Variants in RALGAPA1 observed in about 807,000 individuals in gnomAD.
RALGAPA1 encodes the protein ral GTPase-activating protein subunit alpha-1.
Under a neutral mutation model 269.6 loss-of-function variants are expected in RALGAPA1, and 52 were observed. The observed-to-expected ratio is 0.19, with a 90% confidence interval of 0.15 to 0.24. The LOEUF (loss-of-function observed/expected upper bound fraction) is 0.24, where lower values mean the gene tolerates loss of function less well. RALGAPA1 is among the 10% of genes least tolerant of loss of function. The pLI, the probability that RALGAPA1 is intolerant of heterozygous loss-of-function variation, is 1.00. For synonymous variants in RALGAPA1, 817 were observed against 1,008.3 expected (o/e 0.81, Z 3.60); for missense variants, 1,917 against 3,013.9 (o/e 0.64, Z 8.52).
intron 4 of RALGAPA1, 95 bp from the exon 5 acceptor site, chr14:35,762,848 T>G: frequency 1.4e-6 from 1 of 734,204 alleles, no homozygotes; most frequent in South Asian, 1.5e-5. Context: ...AAATAAGTCC[T>G]TGGCAACCTC....
chr14:35,549,492 C>T (rs2054774382), intron 39 of RALGAPA1, among the ~76,000 whole-genome samples: 1 of 151,988 alleles, frequency 6.6e-6, no homozygotes, highest in Non-Finnish European at 1.5e-5. Flanking sequence ...TACAATAATA[C>T]TAAACTACTG....
intron 17 of RALGAPA1, among the ~76,000 whole-genome samples, chr14:35,690,859 C>T (rs1012115375): frequency 3.3e-5 from 5 of 151,942 alleles, no homozygotes; most frequent in Admixed American, 6.6e-5. Flanking sequence ...CACCTGAGGT[C>T]GGGAGTTCAA....
chr14:35,717,213 C>T lies in RALGAPA1; in HGVS notation c.2266+4475G>A, dbSNP rs1339710915. 5.3e-5 allele frequency among the ~76,000 whole-genome samples: 8 copies of T among 152,232 alleles called. No homozygotes were observed. In the South Asian group the frequency reaches 1.2e-3, roughly 24 times the overall value. On this transcript the variant is annotated intron_variant, in intron 16 of 41. Coordinates refer to ENST00000680220, the MANE Select transcript of RALGAPA1 (RefSeq NM_001346249.2). Reference sequence around the variant, plus strand: ...TTGCCCAAGCTGGAGTGCAATGGTGCGATCTCGGCCCACTGCAACCTCTGC... The same window carrying T: ...TTGCCCAAGCTGGAGTGCAATGGTGTGATCTCGGCCCACTGCAACCTCTGC...
intron 1 of RALGAPA1, among the ~76,000 whole-genome samples, chr14:35,800,736 A>G (rs1442575287): frequency 1.3e-5 from 2 of 152,154 alleles, no homozygotes; most frequent in Non-Finnish European, 2.9e-5. Flanking sequence ...CAGGCATGGT[A>G]GCTCACACCT....
intron 1 of RALGAPA1, among the ~76,000 whole-genome samples, chr14:35,797,436 G>A (rs1293795488): frequency 6.6e-6 from 1 of 151,660 alleles, no homozygotes; most frequent in African/African-American, 2.4e-5. Context: ...AGAGGAAGAG[G>A]AATAAAGAAA....
chr14:35,805,020 G>A (rs1401802906), intron 1 of RALGAPA1, among the ~76,000 whole-genome samples: 2 of 152,064 alleles, frequency 1.3e-5, no homozygotes, highest in Non-Finnish European at 2.9e-5. Flanking sequence ...AGGTGTGGTG[G>A]CTCACGCCTG....
intron 37 of RALGAPA1, among the ~76,000 whole-genome samples, chr14:35,591,595 A>G (rs2058638482): frequency 6.6e-6 from 1 of 152,290 alleles, no homozygotes; most frequent in East Asian, 1.9e-4. Context: ...TACAGGCATA[A>G]GCAAGCCACC....
At chr14:35,751,983 T>C (rs1183921220) in intron 8 of RALGAPA1, 41 bp downstream of exon 8, 1 of 1,552,962 alleles carries the variant, frequency 6.4e-7, no homozygotes, top group Non-Finnish European at 8.7e-7. Flanking sequence ...ATTATTTTAC[T>C]CTTAAGTGTG....
At chr14:35,712,054 C>A (rs1458476009) in intron 16 of RALGAPA1, among the ~76,000 whole-genome samples, 1 of 152,082 alleles carries the variant, frequency 6.6e-6, no homozygotes, top group Non-Finnish European at 1.5e-5. Context: ...TGAGACCAGC[C>A]TGGCCAACAT....
intron 1 of RALGAPA1, among the ~76,000 whole-genome samples, chr14:35,782,870 G>A (rs1481442045): frequency 6.6e-6 from 1 of 151,780 alleles, no homozygotes; most frequent in African/African-American, 2.4e-5. Context: ...TACCTAGGCT[G>A]GAATGCAGTG....
chr14:35,673,281 C>T (rs1212048449), intron 24 of RALGAPA1, among the ~76,000 whole-genome samples: 2 of 152,166 alleles, frequency 1.3e-5, no homozygotes, highest in Non-Finnish European at 2.9e-5. Flanking sequence ...TTTGGCTGGG[C>T]ACAGTGGCTT....
chr14:35,773,031 C>G (rs1160867000), intron 3 of RALGAPA1, among the ~76,000 whole-genome samples: 1 of 152,136 alleles, frequency 6.6e-6, no homozygotes, highest in Non-Finnish European at 1.5e-5. Context: ...TGGCCAACAA[C>G]TGCATAATTA....
At chr14:35,593,849 G>A (rs2058774672) in intron 37 of RALGAPA1, among the ~76,000 whole-genome samples, 1 of 151,734 alleles carries the variant, frequency 6.6e-6, no homozygotes, top group Admixed American at 6.6e-5. Context: ...GTGAGACCCT[G>A]TCTCAAAAAT....
At chr14:35,763,715 T>C (rs970719679) in intron 4 of RALGAPA1, among the ~76,000 whole-genome samples, 2 of 151,868 alleles carry the variant, frequency 1.3e-5, no homozygotes, top group Non-Finnish European at 2.9e-5. Context: ...ATTCCAAGAG[T>C]ACCGTAATAA....
At chr14:35,582,133 T>C (rs1481636155) in intron 37 of RALGAPA1, among the ~76,000 whole-genome samples, 1 of 152,170 alleles carries the variant, frequency 6.6e-6, no homozygotes, top group Non-Finnish European at 1.5e-5. Context: ...AAAGGACACA[T>C]ATTTTATGAT....
chr14:35,702,720 A>ATAT (rs1357516326), intron 16 of RALGAPA1, among the ~76,000 whole-genome samples: 3 of 113,928 alleles, frequency 2.6e-5, no homozygotes, highest in Admixed American at 9.3e-5. Flanking sequence ...TTAATTAAAA[A>ATAT]AAAAAAATAT....
At chr14:35,651,236 A>G (rs1432604779) in intron 31 of RALGAPA1, among the ~76,000 whole-genome samples, 1 of 152,140 alleles carries the variant, frequency 6.6e-6, no homozygotes, top group Non-Finnish European at 1.5e-5. Flanking sequence ...GAAGATGTAT[A>G]TAATTGATGA....
At chr14:35,739,420 C>G (rs2071347261) in intron 11 of RALGAPA1, among the ~76,000 whole-genome samples, 2 of 152,156 alleles carry the variant, frequency 1.3e-5, no homozygotes, top group Non-Finnish European at 2.9e-5. Context: ...ATGGTCTAGT[C>G]TAGCCTTTCT....
intron 11 of RALGAPA1, 36 bp from the exon 12 acceptor site, chr14:35,738,686 C>A (rs759059240): frequency 6.4e-7 from 1 of 1,551,794 alleles, no homozygotes. Flanking sequence ...TATTTCATTA[C>A]TAAGAATGCT....
Sources: allele counts gnomAD v4.1 joint callset (sites outside exome capture counted in the v4.1 genomes callset), GRCh38; gene constraint gnomAD v4.1.1; transcripts MANE v1.5; gene names NCBI Gene and HGNC (gene_info 2026-07-23, HGNC 2026-07-21).